Variants in JHY observed in about 807,000 individuals in gnomAD.
The protein encoded by JHY is jhy protein homolog.
JHY carries 69 observed loss-of-function variants against 78.0 expected under a neutral mutation model. The observed-to-expected ratio is 0.88, with a 90% CI of 0.73 to 1.08. The LOEUF is 1.08. JHY is among the 50% of genes least tolerant of loss of function. The pLI, the probability that JHY is intolerant of heterozygous loss-of-function variation, is 0.00. For synonymous variants in JHY, 368 were observed against 342.6 expected, an observed-to-expected ratio of 1.07 and a Z score of -0.82; for missense variants, 944 against 927.8, an observed-to-expected ratio of 1.02 and a Z score of -0.23.
At chr11:122,903,790 T>C (rs1035175484) in intron 2 of JHY, 135 bp from the exon 3 acceptor site, 1 of 1,235,470 alleles carries the variant, frequency 8.1e-7, no homozygotes, top group African/African-American at 1.5e-5. Context: ...CTGGGATTTG[T>C]GTTTAGCATA....
chr11:122,927,782 G>A (rs1863542258), intron 4 of JHY, among the ~76,000 whole-genome samples: 1 of 150,016 alleles, frequency 6.7e-6, no homozygotes, highest in Non-Finnish European at 1.5e-5. Flanking sequence ...CTAGGCTGGA[G>A]TGCAATGGTA....
rs528167624 is a variant in JHY, at chr11:122,939,497, C to T, written c.1634+4422C>T. ...CATTCAACCATCTGTTCTCTGCTTCCGAAATATTTGCTCTTTTCCCCCCAT... is the reference window on the plus strand; with the variant it reads ...CATTCAACCATCTGTTCTCTGCTTCTGAAATATTTGCTCTTTTCCCCCCAT... On this transcript the variant is annotated intron_variant, in intron 5 of 8. Coordinates refer to ENST00000227349, the MANE Select transcript of JHY (RefSeq NM_024806.4). 7.9e-5 allele frequency among the ~76,000 whole-genome samples: 12 copies of T among 152,234 alleles called. No individual in the cohort carries two copies. The South Asian group carries it at 1.5e-3, about 18-fold the overall frequency.
chr11:122,901,313 T>C (rs3107627), intron 2 of JHY, among the ~76,000 whole-genome samples: 145,500 of 152,286 alleles, frequency 0.96, 69,555 homozygotes, highest in Middle Eastern at 0.99. Flanking sequence ...TGAGCAGGAG[T>C]GAATTTCAAG....
chr11:122,893,611 A>C (rs1484778514), intron 2 of JHY, among the ~76,000 whole-genome samples: 2 of 152,250 alleles, frequency 1.3e-5, no homozygotes, highest in Admixed American at 6.5e-5. Flanking sequence ...CAAGAAGATC[A>C]TAATGAAATG....
chr11:122,944,182 C>T (rs73606720), intron 5 of JHY, among the ~76,000 whole-genome samples: 15,507 of 152,138 alleles, frequency 0.1, 827 homozygotes, highest in East Asian at 0.19. Context: ...GGGTGATAAA[C>T]TGAGACGATG....
Position 122,959,557 on chromosome 11 carries a change from T to G in JHY, c.*112T>G. 9.9e-7 allele frequency: 1 copy of G among 1,009,724 alleles called. No homozygotes were observed. The highest frequency in any genetic ancestry group is 1.4e-6 in the Non-Finnish European group (1 of 694,270). 62.5% of individuals were successfully genotyped at this position (1,009,724 alleles called of 1,614,324 possible). A position where few individuals can be genotyped will look rare whatever the true frequency, so the allele number is the denominator to read the frequency against. ...TAATGGCCTATTATTATCATCTATC[T>G]GCCGTCCATGTTTGCTTTCTGCAGG... On this transcript the variant is annotated 3_prime_UTR_variant, in exon 9 of 9. Coordinates refer to ENST00000227349, the MANE Select transcript of JHY (RefSeq NM_024806.4).
At chr11:122,936,006 T>G (rs76439431) in intron 5 of JHY, among the ~76,000 whole-genome samples, 2,784 of 152,290 alleles carry the variant, frequency 0.018, 78 homozygotes, top group South Asian at 0.11. Flanking sequence ...TACCAAAATG[T>G]CAATAGTGGT....
At chr11:122,891,645 T>A (rs1478736225) in intron 2 of JHY, among the ~76,000 whole-genome samples, 3 of 152,148 alleles carry the variant, frequency 2.0e-5, no homozygotes, top group Non-Finnish European at 4.4e-5. Context: ...ACAGGAATAT[T>A]TATATAATTA....
chr11:122,886,735 A>C (rs1862505064), intron 2 of JHY, among the ~76,000 whole-genome samples: 1 of 152,188 alleles, frequency 6.6e-6, no homozygotes, highest in African/African-American at 2.4e-5. Context: ...GGCATAAGCC[A>C]CCATGCCTGA....
At chr11:122,930,618 T>C (rs940016631) in intron 4 of JHY, among the ~76,000 whole-genome samples, 3 of 152,192 alleles carry the variant, frequency 2.0e-5, no homozygotes, top group African/African-American at 7.2e-5. Context: ...CCCAGATCCA[T>C]CACTTGAAGC....
intron 2 of JHY, among the ~76,000 whole-genome samples, chr11:122,888,840 G>T (rs1435904308): frequency 6.6e-6 from 1 of 152,042 alleles, no homozygotes; most frequent in African/African-American, 2.4e-5. Flanking sequence ...TGCCCATTTT[G>T]TTCAGTCAAC....
intron 2 of JHY, among the ~76,000 whole-genome samples, chr11:122,886,867 G>C (rs180990946): frequency 3.3e-5 from 5 of 152,256 alleles, no homozygotes; most frequent in Admixed American, 2.6e-4. Context: ...ATCTTACTTG[G>C]CCCATTCAAA....
At chr11:122,886,868 C>A (rs1335641726) in intron 2 of JHY, among the ~76,000 whole-genome samples, 1 of 152,260 alleles carries the variant, frequency 6.6e-6, no homozygotes, top group Non-Finnish European at 1.5e-5. Flanking sequence ...TCTTACTTGG[C>A]CCATTCAAAG....
Position 122,963,042 on chromosome 11 carries a change from T to TA in JHY, c.*3598dup, listed in dbSNP as rs1864345573. Among the ~76,000 whole-genome samples, 1 of 115,052 alleles carries TA rather than the reference T, an allele frequency of 8.7e-6. No homozygotes were observed. The highest frequency in any genetic ancestry group is 2.9e-5 in the African/African-American group (1 of 34,848). 75.5% of individuals were successfully genotyped at this position (115,052 alleles called of 152,430 possible). ...GAAATATGCATTACTATGTACCTAA[T>TA]AGTTTTTTAGCATGTACAATCTGCC... is the stretch of plus-strand genomic sequence containing the variant. On this transcript the variant is annotated 3_prime_UTR_variant, in exon 9 of 9. Transcript: ENST00000227349.
intron 2 of JHY, among the ~76,000 whole-genome samples, chr11:122,902,386 A>G (rs1053764728): frequency 2.6e-5 from 4 of 152,104 alleles, no homozygotes; most frequent in South Asian, 4.2e-4. Context: ...AATCACTTGA[A>G]CCTGGGAGGC....
chr11:122,960,026 G>A lies in JHY; in HGVS notation c.*581G>A, dbSNP rs954253927. ...AGGCAGTTGAATAGCTTGAGGCCAG[G>A]AGTTTGAGACCAGCCTGGGCAACAT... On this transcript the variant is annotated 3_prime_UTR_variant, in exon 9 of 9. Coordinates refer to ENST00000227349, the MANE Select transcript of JHY (RefSeq NM_024806.4). Among the ~76,000 whole-genome samples the A allele has an allele frequency of 9.2e-5, 14 of 152,176 alleles. No individual in the cohort carries two copies. Among genetic ancestry groups the A allele is most frequent in the African/African-American group, 3.4e-4 (14 of 41,434 alleles).
At chr11:122,893,397 G>C (rs113717790) in intron 2 of JHY, among the ~76,000 whole-genome samples, 77 of 152,296 alleles carry the variant, frequency 5.1e-4, no homozygotes, top group African/African-American at 1.9e-3. Context: ...TAAAGGCTGA[G>C]TCCCCGCCAG....
chr11:122,907,157 T>C (rs1863009547), intron 3 of JHY, among the ~76,000 whole-genome samples: 1 of 152,140 alleles, frequency 6.6e-6, no homozygotes, highest in Admixed American at 6.5e-5. Context: ...TGGCTTCCTA[T>C]TACTTTAAAA....
Position 122,938,016 on chromosome 11 carries a change from T to TG in JHY, c.1634+2941_1634+2942insG, listed in dbSNP as rs201739086. ...GATCCTTTGTATATAATCTGTTTTT[T>TG]TTGTTGTTGTTTTTTGTTTTTTGTT... On this transcript the variant is annotated intron_variant, in intron 5 of 8. Coordinates refer to ENST00000227349, the MANE Select transcript of JHY (RefSeq NM_024806.4). 3.9e-3 allele frequency among the ~76,000 whole-genome samples: 599 copies of TG among 151,972 alleles called. 1 individual carries two copies. Among genetic ancestry groups the TG allele is most frequent in the African/African-American group, 0.012 (511 of 41,426 alleles).
Sources: allele counts gnomAD v4.1 joint callset (sites outside exome capture counted in the v4.1 genomes callset), GRCh38; gene constraint gnomAD v4.1.1; transcripts MANE v1.5; gene names NCBI Gene and HGNC (gene_info 2026-07-23, HGNC 2026-07-21).